TREM1: variants seen among roughly 807,000 people sequenced by gnomAD.
TREM1 encodes the protein triggering receptor expressed on monocytes 1.
Under a neutral mutation model 22.4 loss-of-function variants are expected in TREM1, and 16 were observed. The observed-to-expected ratio is 0.71, with a 90% confidence interval of 0.48 to 1.08. The LOEUF is 1.08. TREM1 is among the 50% of genes least tolerant of loss of function. TREM1 has a pLI of 0.00. For missense variants in TREM1, 283 were observed against 282.9 expected (o/e 1.00, Z 0.00); for synonymous variants, 110 against 111.6 (o/e 0.99, Z 0.09).
intron 1 of TREM1, among the ~76,000 whole-genome samples, chr6:41,285,985 T>G (rs1768150430): frequency 6.6e-6 from 1 of 152,208 alleles, no homozygotes; most frequent in East Asian, 1.9e-4. Context: ...GCCCGCATGC[T>G]TCTGGTTTGG....
downstream of TREM1, among the ~76,000 whole-genome samples, chr6:41,272,863 T>C (rs981456058): frequency 6.6e-6 from 1 of 152,184 alleles, no homozygotes; most frequent in Admixed American, 6.5e-5. Context: ...CCTGTCAACA[T>C]TGGGAGATGG....
At chr6:41,284,654 T>C (rs937194975) in intron 1 of TREM1, among the ~76,000 whole-genome samples, 8 of 152,060 alleles carry the variant, frequency 5.3e-5, no homozygotes, top group African/African-American at 1.9e-4. Context: ...AGTACTGCTG[T>C]TATTAATACC....
chr6:41,283,719 A>ACACAC lies in TREM1; in HGVS notation c.50-969_50-968insGTGTG, dbSNP rs1554147926. ...AGGGCAAGACTCTGTTAAAAAAAAAAACACACACACACACACACACATACA... is the reference window on the plus strand; with the variant it reads ...AGGGCAAGACTCTGTTAAAAAAAAAACACACACACACACACACACACACACATACA... On this transcript the variant is annotated intron_variant, in intron 1 of 3. Transcript: ENST00000244709. Among the ~76,000 whole-genome samples the ACACAC allele has an allele frequency of 1.7e-3, 250 of 147,026 alleles. 1 individual carries two copies. Among genetic ancestry groups the ACACAC allele is most frequent in the African/African-American group, 5.2e-3 (205 of 39,438 alleles).
downstream of TREM1, among the ~76,000 whole-genome samples, chr6:41,269,376 G>A (rs963526135): frequency 2.6e-5 from 4 of 152,134 alleles, no homozygotes; most frequent in African/African-American, 9.7e-5. Context: ...TGACCAAACG[G>A]GGCCCATTTC....
In TREM1 at chr6:41,276,133, C is replaced by A; in HGVS notation, c.697G>T (p.Val233Leu). 2 of 1,613,974 alleles carry A rather than the reference C, an allele frequency of 1.2e-6. No individual in the cohort carries two copies. The highest frequency in any genetic ancestry group is 1.7e-6 in the Non-Finnish European group (2 of 1,179,884). The change falls in exon 4 of 4, where the codon GTA becomes TTA. Residue 233 changes from valine to leucine, a missense_variant. Coordinates refer to ENST00000244709, the MANE Select transcript of TREM1 (RefSeq NM_018643.5). ...CTCGTGGGTTCGTGGGCCTAGGGTA[C>A]AAATGACCTCAGCGTGACAGCAAAC... ...VLFAVTLRSFVP is the reference protein window; with the variant it reads ...VLFAVTLRSFLP
At position 41,275,814 on chromosome 6, in the gene TREM1, C is replaced by A; in HGVS notation, c.*311G>T. The A allele has an allele frequency of 2.6e-6, 1 of 382,896 alleles. No individual in the cohort carries two copies. Among genetic ancestry groups the A allele is most frequent in the Non-Finnish European group, 4.9e-6 (1 of 203,160 alleles). 23.7% of individuals were successfully genotyped at this position (382,896 alleles called of 1,614,324 possible). On this transcript the variant is annotated 3_prime_UTR_variant, in exon 4 of 4. Transcript: ENST00000244709. ...TGTGCCTTCTGCATGTCACAGCCCC[C>A]ACAAGAGAATTACGGTGAAAAGCAT...
At chr6:41,279,115 TA>T (rs1312908135) in intron 3 of TREM1, among the ~76,000 whole-genome samples, 1 of 152,160 alleles carries the variant, frequency 6.6e-6, no homozygotes, top group Non-Finnish European at 1.5e-5. Flanking sequence ...GAGAGTGTCT[TA>T]GATTGGCCCT....
At chr6:41,269,537 T>C (rs928928272), downstream of TREM1, among the ~76,000 whole-genome samples, 1 of 152,208 alleles carries the variant, frequency 6.6e-6, no homozygotes, top group African/African-American at 2.4e-5. Context: ...GTAAAGAGAT[T>C]AACAAGGTAC....
chr6:41,277,595 G>A (rs1767722768), intron 3 of TREM1, among the ~76,000 whole-genome samples: 1 of 152,028 alleles, frequency 6.6e-6, no homozygotes, highest in Non-Finnish European at 1.5e-5. Context: ...GAACTCCTGG[G>A]GCATGTCCAC....
chr6:41,280,094 A>C (rs931747657), intron 3 of TREM1: 99 of 941,980 alleles, frequency 1.1e-4, no homozygotes, highest in Non-Finnish European at 1.3e-4. Context: ...AAGAATAAAA[A>C]CATGTATAAT....
chr6:41,284,150 G>T (rs1039962611), intron 1 of TREM1, among the ~76,000 whole-genome samples: 1 of 151,946 alleles, frequency 6.6e-6, no homozygotes, highest in African/African-American at 2.4e-5. Flanking sequence ...CCACTGGGGA[G>T]CAATTTTTGC....
At chr6:41,279,599 A>G (rs1373681723) in intron 3 of TREM1, 1 of 985,246 alleles carries the variant, frequency 1.0e-6, no homozygotes, top group Admixed American at 6.1e-5. Flanking sequence ...CAAACAACAT[A>G]ATGGGGAAAA....
chr6:41,270,908 G>T (rs1192197838), downstream of TREM1, among the ~76,000 whole-genome samples: 1 of 152,156 alleles, frequency 6.6e-6, no homozygotes, highest in East Asian at 1.9e-4. Flanking sequence ...ATCTCACTAT[G>T]TTGCCCAGAC....
rs1381938634 is a variant in TREM1 at position 41,274,896 on chromosome 6, C to T, written c.*1229G>A. ...GGAAAAGTATGATTGCTCTTGGGAA[C>T]TGAGGATAATATCTGCCCTGGGCAT... On this transcript the variant is annotated 3_prime_UTR_variant, in exon 4 of 4. Transcript: ENST00000244709. Among the ~76,000 whole-genome samples the T allele has an allele frequency of 2.0e-5, 3 of 152,110 alleles. No individual in the cohort carries two copies. Among genetic ancestry groups the T allele is most frequent in the Non-Finnish European group, 4.4e-5 (3 of 68,020 alleles).
chr6:41,278,405 C>T (rs1322891183), intron 3 of TREM1, among the ~76,000 whole-genome samples: 1 of 151,966 alleles, frequency 6.6e-6, no homozygotes, highest in Non-Finnish European at 1.5e-5. Flanking sequence ...TGTGGTGGCT[C>T]ACACTTGTAA....
At chr6:41,279,689 A>T in intron 3 of TREM1, 2 of 985,472 alleles carry the variant, frequency 2.0e-6, no homozygotes, top group Non-Finnish European at 2.4e-6. Flanking sequence ...CATTTGTTTT[A>T]GCAGGAATGT....
At chr6:41,277,954 C>T (rs541525703) in intron 3 of TREM1, among the ~76,000 whole-genome samples, 2 of 136,160 alleles carry the variant, frequency 1.5e-5, no homozygotes, top group Non-Finnish European at 3.1e-5. Flanking sequence ...CAGGATCTTG[C>T]TCTGTTGCCC....
chr6:41,276,718 A>T (rs1456433289), intron 3 of TREM1, among the ~76,000 whole-genome samples: 2 of 152,144 alleles, frequency 1.3e-5, no homozygotes, highest in Non-Finnish European at 2.9e-5. Context: ...TAATAAAAAG[A>T]TGCAAAGGAG....
At chr6:41,279,533 TTAG>T (rs1767815160) in intron 3 of TREM1, 2 of 985,238 alleles carry the variant, frequency 2.0e-6, no homozygotes, top group Non-Finnish European at 2.4e-6. Flanking sequence ...AAATTGACTC[TTAG>T]TAGATCATTC....
Sources: gnomAD v4.1 joint callset for allele counts (sites outside exome capture counted in the v4.1 genomes callset) on GRCh38, gnomAD v4.1.1 for gene constraint, MANE v1.5 for transcripts, NCBI Gene and HGNC (gene_info 2026-07-23, HGNC 2026-07-21) for gene names.